The following ZNF609 variants were observed in gnomAD, a reference collection of about 807,000 sequenced individuals.
ZNF609 encodes the protein zinc finger protein 609.
In ZNF609, 11 loss-of-function variants were observed where a neutral mutation model predicts 109.5. The observed-to-expected ratio is 0.10, with a 90% CI of 0.06 to 0.17. The LOEUF (loss-of-function observed/expected upper bound fraction) is 0.17. Ranked by LOEUF, ZNF609 falls within the 10% of genes least tolerant of loss-of-function variation. The probability of loss-of-function intolerance (pLI) is 1.00; values close to 1 mark genes in which losing one functional copy is unlikely to be tolerated. For missense variants in ZNF609, 1,559 were observed against 1,772.4 expected, an observed-to-expected ratio of 0.88 and a Z score of 2.16; for synonymous variants, 646 against 662.0, an observed-to-expected ratio of 0.98 and a Z score of 0.37.
At chr15:64,632,074 G>A (rs912830174) in intron 3 of ZNF609, among the ~76,000 whole-genome samples, 5 of 152,038 alleles carry the variant, frequency 3.3e-5, no homozygotes, top group Non-Finnish European at 7.4e-5. Context: ...CTTTCAAGAC[G>A]GGAGTGCAGT....
chr15:64,652,142 C>T (rs1169020787), intron 3 of ZNF609, among the ~76,000 whole-genome samples: 1 of 152,094 alleles, frequency 6.6e-6, no homozygotes, highest in Admixed American at 6.6e-5. Context: ...TCTCATGCCT[C>T]AGCCTCCTGA....
chr15:64,679,109 G>A (rs556425635), intron 6 of ZNF609, among the ~76,000 whole-genome samples: 23 of 152,194 alleles, frequency 1.5e-4, no homozygotes, highest in Non-Finnish European at 2.9e-4. Flanking sequence ...TTTCACTCTT[G>A]TTGCACAGGC....
chr15:64,555,613 G>A (rs1384209805), intron 2 of ZNF609, among the ~76,000 whole-genome samples: 1 of 151,842 alleles, frequency 6.6e-6, no homozygotes, highest in Non-Finnish European at 1.5e-5. Flanking sequence ...GCCAGATGCA[G>A]TGCTTTACGC....
chr15:64,681,168 A>G, intron 8 of ZNF609, 141 bp from the exon 9 acceptor site: 1 of 770,756 alleles, frequency 1.3e-6, no homozygotes. Flanking sequence ...GCTGAGAAAT[A>G]GAGCCTTATT....
intron 1 of ZNF609, among the ~76,000 whole-genome samples, chr15:64,498,873 G>A (rs536695211): frequency 9.2e-5 from 14 of 152,248 alleles, no homozygotes; most frequent in African/African-American, 2.9e-4. Flanking sequence ...CATGTTCTGC[G>A]TCTCTGATAA....
intron 1 of ZNF609, among the ~76,000 whole-genome samples, chr15:64,490,421 G>C (rs1224955940): frequency 6.6e-6 from 1 of 152,004 alleles, no homozygotes. Flanking sequence ...TTACAGGCAT[G>C]TGTCACCACA....
intron 2 of ZNF609, among the ~76,000 whole-genome samples, chr15:64,544,939 G>T (rs1335566075): frequency 6.6e-6 from 1 of 152,168 alleles, no homozygotes; most frequent in African/African-American, 2.4e-5. Flanking sequence ...GCCCATAGAT[G>T]CTGGACAATT....
At chr15:64,510,205 CTT>C (rs11413947) in intron 2 of ZNF609, among the ~76,000 whole-genome samples, 4 of 137,892 alleles carry the variant, frequency 2.9e-5, no homozygotes, top group African/African-American at 5.5e-5. Flanking sequence ...ATTTTTTTTT[CTT>C]TTTTTTTTTT....
At chr15:64,651,141 T>A (rs2140997461) in intron 3 of ZNF609, among the ~76,000 whole-genome samples, 1 of 152,270 alleles carries the variant, frequency 6.6e-6, no homozygotes, top group Admixed American at 6.5e-5. Flanking sequence ...ACATCTTAAC[T>A]TTATGTAAGC....
intron 1 of ZNF609, among the ~76,000 whole-genome samples, chr15:64,481,846 A>C (rs1893258575): frequency 6.6e-6 from 1 of 151,722 alleles, no homozygotes; most frequent in Non-Finnish European, 1.5e-5. Flanking sequence ...GTACAGTGGC[A>C]CGATCTCGGC....
At chr15:64,588,318 A>G (rs1286603501) in intron 2 of ZNF609, among the ~76,000 whole-genome samples, 2 of 148,366 alleles carry the variant, frequency 1.3e-5, no homozygotes, top group Admixed American at 1.3e-4. Flanking sequence ...AGTCCCAGCT[A>G]CTTGGAGGCT....
At chr15:64,500,725 A>T in intron 2 of ZNF609, 1 of 371,346 alleles carries the variant, frequency 2.7e-6, no homozygotes, top group Non-Finnish European at 4.9e-6. Context: ...GGCAAGAGGT[A>T]CTCATTGTAC....
intron 2 of ZNF609, among the ~76,000 whole-genome samples, chr15:64,584,340 T>TA (rs1895159885): frequency 6.6e-6 from 1 of 152,130 alleles, no homozygotes; most frequent in African/African-American, 2.4e-5. Flanking sequence ...TTTATTTATT[T>TA]TTTGAGACAG....
chr15:64,602,889 A>ATTTTTTTTTTTTTTTTTTTTTTTT (rs10600562), intron 2 of ZNF609, among the ~76,000 whole-genome samples: 1 of 75,174 alleles, frequency 1.3e-5, no homozygotes, highest in South Asian at 5.8e-4. Flanking sequence ...CTCTGGGCTA[A>ATTTTTTTTTTTTTTTTTTTTTTTT]TTTTTTTTTT....
At chr15:64,649,890 T>A (rs1169688128) in intron 3 of ZNF609, among the ~76,000 whole-genome samples, 2 of 152,138 alleles carry the variant, frequency 1.3e-5, no homozygotes, top group African/African-American at 2.4e-5. Flanking sequence ...TTAATATTTT[T>A]AAAATACTTT....
chr15:64,644,935 TCTC>T (rs1165901505), intron 3 of ZNF609, among the ~76,000 whole-genome samples: 1 of 152,094 alleles, frequency 6.6e-6, no homozygotes, highest in Non-Finnish European at 1.5e-5. Flanking sequence ...AGCTATATCT[TCTC>T]CTAAATTTTC....
At chr15:64,462,315 C>G (rs1014125429) in intron 1 of ZNF609, among the ~76,000 whole-genome samples, 1 of 152,194 alleles carries the variant, frequency 6.6e-6, no homozygotes, top group Non-Finnish European at 1.5e-5. Context: ...CTGGTAGACT[C>G]AACTACGATG....
chr15:64,524,577 AAG>A (rs940882906), intron 2 of ZNF609, among the ~76,000 whole-genome samples: 1 of 149,328 alleles, frequency 6.7e-6, no homozygotes, highest in African/African-American at 2.5e-5. Context: ...AAAAAAAAAA[AAG>A]GGGGGGGCCT....
intron 1 of ZNF609, among the ~76,000 whole-genome samples, chr15:64,471,710 A>T (rs1893093509): frequency 6.6e-6 from 1 of 151,990 alleles, no homozygotes; most frequent in Non-Finnish European, 1.5e-5. Context: ...CAGCCTCCTG[A>T]GTAGGTGGCA....
Sources: gnomAD v4.1 joint callset for allele counts (sites outside exome capture counted in the v4.1 genomes callset) on GRCh38, gnomAD v4.1.1 for gene constraint, MANE v1.5 for transcripts, NCBI Gene and HGNC (gene_info 2026-07-23, HGNC 2026-07-21) for gene names.